EFCAB11: variants seen among roughly 807,000 people sequenced by gnomAD.
EFCAB11 encodes EF-hand calcium binding domain 11.
EFCAB11 carries 14 observed loss-of-function variants against 23.0 expected under a neutral mutation model. The ratio of observed to expected loss-of-function variants is 0.61; its 90% confidence interval spans 0.40 to 0.95. EFCAB11 has a LOEUF of 0.95. EFCAB11 is among the 40% of genes least tolerant of loss of function. EFCAB11 has a pLI of 0.00. For missense variants in EFCAB11, 198 were observed against 195.8 expected (o/e 1.01, Z -0.07); for synonymous variants, 65 against 66.6 (o/e 0.98, Z 0.11).
rs1162684531 is a variant in EFCAB11, at chr14:89,954,589, C to T, written c.72G>A (p.Val24=). The T allele has an allele frequency of 6.2e-7, 1 of 1,613,858 alleles. No individual in the cohort carries two copies. ...CAGTCGCCCTCCGGAAACCTACTTCCACCCACTTCCTGTGTTCCGAGGGAC... is the reference window on the plus strand; with the variant it reads ...CAGTCGCCCTCCGGAAACCTACTTCTACCCACTTCCTGTGTTCCGAGGGAC... The part of the protein sequence containing the change: ...EASPSEHRKW[V]EVFKACDEDH... The change falls in exon 1 of 6, where the codon GTG becomes GTA. Residue 24 remains valine (V), a synonymous_variant. Transcript: ENST00000316738.
chr14:89,893,213 C>T (rs1232364935), intron 5 of EFCAB11, among the ~76,000 whole-genome samples: 8 of 152,124 alleles, frequency 5.3e-5, no homozygotes, highest in African/African-American at 1.2e-4. Context: ...AAGGCAGGTG[C>T]GGGAAATTCC....
chr14:89,889,296 G>A (rs1888889910), intron 5 of EFCAB11, among the ~76,000 whole-genome samples: 1 of 152,084 alleles, frequency 6.6e-6, no homozygotes, highest in Non-Finnish European at 1.5e-5. Flanking sequence ...ATAAAGTATT[G>A]GATAAAATCA....
At chr14:89,951,969 T>A (rs537382317) in intron 2 of EFCAB11, among the ~76,000 whole-genome samples, 48 of 152,228 alleles carry the variant, frequency 3.2e-4, no homozygotes, top group African/African-American at 1.1e-3. Context: ...CATGAATGTA[T>A]AAGTGATTTA....
intron 5 of EFCAB11, among the ~76,000 whole-genome samples, chr14:89,831,656 G>A (rs568604946): frequency 3.3e-5 from 5 of 152,326 alleles, no homozygotes; most frequent in South Asian, 4.1e-4. Flanking sequence ...CCTGGAGAAT[G>A]AGAATGGTGA....
At chr14:89,815,962 T>G (rs1886322915) in intron 5 of EFCAB11, among the ~76,000 whole-genome samples, 1 of 152,198 alleles carries the variant, frequency 6.6e-6, no homozygotes, top group Non-Finnish European at 1.5e-5. Flanking sequence ...ATTGAATCTG[T>G]AGATAGCTTT....
At chr14:89,860,997 C>G (rs1887902416) in intron 5 of EFCAB11, among the ~76,000 whole-genome samples, 1 of 152,168 alleles carries the variant, frequency 6.6e-6, no homozygotes, top group African/African-American at 2.4e-5. Flanking sequence ...ACTCAAAGGT[C>G]AACATTTTGT....
chr14:89,954,311 G>A (rs1473366505), intron 1 of EFCAB11: 3 of 1,528,388 alleles, frequency 2.0e-6, no homozygotes, highest in Non-Finnish European at 2.6e-6. Context: ...GTGAGGCAAA[G>A]GGGCTGGCTT....
At chr14:89,944,090 T>A (rs1476516831) in intron 3 of EFCAB11, among the ~76,000 whole-genome samples, 1 of 152,236 alleles carries the variant, frequency 6.6e-6, no homozygotes, top group Non-Finnish European at 1.5e-5. Context: ...AGCCACTGTA[T>A]TAATCTTTTC....
chr14:89,875,312 C>T (rs1888401642), intron 5 of EFCAB11, among the ~76,000 whole-genome samples: 1 of 152,168 alleles, frequency 6.6e-6, no homozygotes, highest in South Asian at 2.1e-4. Flanking sequence ...AAACCCACCC[C>T]CATGATTCCA....
intron 5 of EFCAB11, among the ~76,000 whole-genome samples, chr14:89,837,975 C>T (rs1296271184): frequency 6.6e-6 from 1 of 152,124 alleles, no homozygotes; most frequent in African/African-American, 2.4e-5. Flanking sequence ...TTCACATGGG[C>T]ATAGAAATCA....
In EFCAB11 at chr14:89,837,112, G is replaced by A. The variant is rs758039051; in HGVS notation, c.411-39788C>T. 54 of 456,416 alleles carry A rather than the reference G, an allele frequency of 1.2e-4. 2 individuals are homozygous for A. The highest frequency in any genetic ancestry group is 4.8e-4 in the South Asian group (31 of 64,514). The allele number at this position is 456,416 out of a possible 1,614,324, so 28.3% of individuals were successfully genotyped here. ...GGTTTTTAGACTTCTGGTCAATATG[G>A]CAGAGTAAACACTTGCTGAAAATCC... On this transcript the variant is annotated intron_variant, in intron 5 of 5. Coordinates refer to ENST00000316738, the MANE Select transcript of EFCAB11 (RefSeq NM_145231.4).
chr14:89,814,550 C>T (rs1886264956), intron 5 of EFCAB11, among the ~76,000 whole-genome samples: 1 of 151,972 alleles, frequency 6.6e-6, no homozygotes, highest in African/African-American at 2.4e-5. Context: ...ACTAAAAATA[C>T]AAAATTAGCC....
At chr14:89,904,408 C>A (rs1047768796) in intron 5 of EFCAB11, among the ~76,000 whole-genome samples, 1 of 152,186 alleles carries the variant, frequency 6.6e-6, no homozygotes, top group Non-Finnish European at 1.5e-5. Context: ...CAAGTCTTTA[C>A]TATTGTGAAT....
At position 89,845,762 on chromosome 14, in the gene EFCAB11, G is replaced by C. The variant is rs530874434; in HGVS notation, c.411-48438C>G. 9.9e-5 allele frequency among the ~76,000 whole-genome samples: 15 copies of C among 152,282 alleles called. No homozygotes were observed. The South Asian group carries it at 3.1e-3, about 32-fold the overall frequency. On this transcript the variant is annotated intron_variant, in intron 5 of 5. Coordinates refer to ENST00000316738, the MANE Select transcript of EFCAB11 (RefSeq NM_145231.4). ...AAGGACACTGTGATTCTGTGCTTTA[G>C]GGAGAAGCAGGCTGAAGATGGTCAA...
At chr14:89,931,346 C>G (rs1262456354) in intron 5 of EFCAB11, 195 bp downstream of exon 5, 1 of 546,204 alleles carries the variant, frequency 1.8e-6, no homozygotes, top group East Asian at 3.1e-5. Context: ...CCCAACTTTA[C>G]AGTTCACTGT....
chr14:89,901,191 T>G (rs932917998), intron 5 of EFCAB11, among the ~76,000 whole-genome samples: 1 of 152,214 alleles, frequency 6.6e-6, no homozygotes, highest in Non-Finnish European at 1.5e-5. Flanking sequence ...TGATAAACAC[T>G]TCTTGGTGTG....
rs532653685 is a variant in EFCAB11 at position 89,795,996 on chromosome 14, T to G, written c.*1247A>C. 1.1e-4 allele frequency: 17 copies of G among 152,410 alleles called. No individual in the cohort carries two copies. Among genetic ancestry groups the G allele is most frequent in the Middle Eastern group, 3.4e-3 (1 of 294 alleles). 9.4% of individuals were successfully genotyped at this position (152,410 alleles called of 1,614,324 possible). A position where few individuals can be genotyped will look rare whatever the true frequency, so the allele number is the denominator to read the frequency against. On this transcript the variant is annotated 3_prime_UTR_variant, in exon 6 of 6. Coordinates refer to ENST00000316738, the MANE Select transcript of EFCAB11 (RefSeq NM_145231.4). ...GGGAACGTGAACACACATGGCTAAG[T>G]GTCTGGGTGCAGGACGTGACTGCTA...
intron 4 of EFCAB11, 57 bp from the exon 5 acceptor site, chr14:89,931,688 C>G (rs1165493945): frequency 2.1e-6 from 3 of 1,443,742 alleles, no homozygotes; most frequent in East Asian, 2.3e-5. Flanking sequence ...TCAACTGTTA[C>G]TTCAGCCATA....
chr14:89,833,904 CT>C (rs1886966911), intron 5 of EFCAB11, among the ~76,000 whole-genome samples: 1 of 152,104 alleles, frequency 6.6e-6, no homozygotes, highest in Admixed American at 6.5e-5. Context: ...GCTAAGTAAT[CT>C]CTTTATTGTA....
Sources: gnomAD v4.1 joint callset for allele counts (sites outside exome capture counted in the v4.1 genomes callset) on GRCh38, gnomAD v4.1.1 for gene constraint, MANE v1.5 for transcripts, NCBI Gene and HGNC (gene_info 2026-07-23, HGNC 2026-07-21) for gene names.